The following BTBD3 variants were observed in gnomAD, a reference collection of about 807,000 sequenced individuals.
BTBD3 encodes the protein BTB domain containing 3.
A neutral mutation model predicts 41.6 loss-of-function variants in BTBD3; 14 were observed. The observed-to-expected ratio is 0.34, with a 90% confidence interval of 0.22 to 0.53. The LOEUF (loss-of-function observed/expected upper bound fraction) is 0.53, where lower values mean the gene tolerates loss of function less well. BTBD3 is among the 20% of genes least tolerant of loss of function. The pLI is 0.95. For synonymous variants in BTBD3, 249 were observed against 233.7 expected, an observed-to-expected ratio of 1.07 and a Z score of -0.60; for missense variants, 426 against 654.7, an observed-to-expected ratio of 0.65 and a Z score of 3.81.
chr20:11,919,886 A>G (rs1214298046), intron 3 of BTBD3, 50 bp downstream of exon 3: 1 of 1,480,268 alleles, frequency 6.8e-7, no homozygotes, highest in Admixed American at 1.7e-5. Context: ...CTGTATTTGT[A>G]CCCTGCTGGT....
rs887143872 is a variant in BTBD3, at chr20:11,924,663, T to C, written c.*997T>C. On this transcript the variant is annotated 3_prime_UTR_variant, in exon 4 of 4. Transcript: ENST00000378226. ...TTCTTTATACAAATGGAGTAGCAAC[T>C]AGTTTTGTAGCACTACATTTAATGT... is the stretch of plus-strand genomic sequence containing the variant. The C allele has an allele frequency of 3.9e-5, 6 of 152,666 alleles. No homozygotes were observed. Among genetic ancestry groups the C allele is most frequent in the Non-Finnish European group, 8.8e-5 (6 of 68,036 alleles). 9.5% of individuals were successfully genotyped at this position (152,666 alleles called of 1,614,324 possible).
intron 1 of BTBD3, among the ~76,000 whole-genome samples, chr20:11,892,210 C>T (rs1156993000): frequency 6.6e-6 from 1 of 152,172 alleles, no homozygotes; most frequent in Non-Finnish European, 1.5e-5. Context: ...CTCTAGCACT[C>T]AAAACAATTG....
At chr20:11,904,779 A>T (rs959442167) in intron 1 of BTBD3, among the ~76,000 whole-genome samples, 1 of 152,214 alleles carries the variant, frequency 6.6e-6, no homozygotes, top group Non-Finnish European at 1.5e-5. Flanking sequence ...ATGATTGTGG[A>T]TATTTGATAC....
At chr20:11,894,615 T>C (rs2056775469) in intron 1 of BTBD3, among the ~76,000 whole-genome samples, 1 of 152,094 alleles carries the variant, frequency 6.6e-6, no homozygotes. Context: ...CTAAAGAAGA[T>C]TGAGTGTTTA....
chr20:11,918,979 A>C, intron 1 of BTBD3, 107 bp from the exon 2 acceptor site: 1 of 774,980 alleles, frequency 1.3e-6, no homozygotes, highest in Non-Finnish European at 2.1e-6. Context: ...CCTTGAAGTT[A>C]CTGGACTGTT....
intron 1 of BTBD3, among the ~76,000 whole-genome samples, chr20:11,902,488 T>A (rs1427392584): frequency 1.3e-5 from 2 of 152,214 alleles, no homozygotes; most frequent in African/African-American, 4.8e-5. Context: ...CGTGGTTTAC[T>A]GTATTGCACT....
chr20:11,915,463 C>T (rs1250606726), upstream of BTBD3, among the ~76,000 whole-genome samples: 2 of 152,066 alleles, frequency 1.3e-5, no homozygotes, highest in African/African-American at 4.8e-5. Flanking sequence ...GGGAAGACAT[C>T]TAGTAGTCAG....
chr20:11,919,635 T>C, intron 2 of BTBD3, 83 bp from the exon 3 acceptor site: 3 of 1,387,866 alleles, frequency 2.2e-6, no homozygotes, highest in Non-Finnish European at 3.1e-6. Context: ...CTAAACCTGA[T>C]TGCCTAGTGT....
chr20:11,906,472 C>T (rs557883290), intron 1 of BTBD3, among the ~76,000 whole-genome samples: 1 of 151,930 alleles, frequency 6.6e-6, no homozygotes, highest in Non-Finnish European at 1.5e-5. Flanking sequence ...CCATGTTGGA[C>T]AGTCTGTTCT....
At position 11,926,028 on chromosome 20, in the gene BTBD3, C is replaced by T. The variant is rs1022648767; in HGVS notation, c.*2362C>T. The T allele has an allele frequency of 3.3e-5, 5 of 151,690 alleles. No individual in the cohort carries two copies. The highest frequency in any genetic ancestry group is 2.4e-5 in the African/African-American group (1 of 41,328). 9.4% of individuals were successfully genotyped at this position (151,690 alleles called of 1,614,324 possible). A position where few individuals can be genotyped will look rare whatever the true frequency, so the allele number is the denominator to read the frequency against. On this transcript the variant is annotated 3_prime_UTR_variant, in exon 4 of 4. Coordinates refer to ENST00000378226, the MANE Select transcript of BTBD3 (RefSeq NM_014962.4). ...GAATAAGAAATTTTACATTTTAAAC[C>T]CTATTGTCCTTTATGCATTTTCAAT...
intron 1 of BTBD3, among the ~76,000 whole-genome samples, chr20:11,899,640 G>A (rs1356807795): frequency 3.9e-5 from 6 of 151,986 alleles, no homozygotes; most frequent in Non-Finnish European, 8.8e-5. Flanking sequence ...GTGTGCCATG[G>A]TGGTTTGCTG....
upstream of BTBD3, among the ~76,000 whole-genome samples, chr20:11,916,933 G>A (rs1034946537): frequency 1.3e-5 from 2 of 152,106 alleles, no homozygotes; most frequent in Admixed American, 6.5e-5. Context: ...AATGGTTGGA[G>A]GATTCACACC....
In BTBD3 at chr20:11,890,880, G is replaced by A. The variant is rs566985455; in HGVS notation, c.-200G>A. On this transcript the variant is annotated 5_prime_UTR_variant, in exon 1 of 5. Coordinates refer to the BTBD3 transcript ENST00000254977. ...GGGCGCTGGATCTCCGAGTGCCCCG[G>A]CCGGGGCCTGAGGAGCGGGCACAGG... 1.5e-4 allele frequency: 151 copies of A among 985,072 alleles called. 1 individual carries two copies. In the African/African-American group the frequency reaches 2.6e-3, roughly 17 times the overall value. The allele number at this position is 985,072 out of a possible 1,614,324, so 61.0% of individuals were successfully genotyped here.
chr20:11,903,057 A>G (rs34577307), intron 1 of BTBD3, among the ~76,000 whole-genome samples: 44,298 of 152,102 alleles, frequency 0.29, 7,544 homozygotes, highest in Non-Finnish European at 0.38. Context: ...GGTTACCTGT[A>G]TTTTTAAATA....
At chr20:11,906,151 G>T (rs2056852255) in intron 1 of BTBD3, among the ~76,000 whole-genome samples, 2 of 150,700 alleles carry the variant, frequency 1.3e-5, no homozygotes, top group Non-Finnish European at 2.9e-5. Flanking sequence ...ATTGCTGGTG[G>T]TAAAGGTTCC....
At chr20:11,898,191 G>C (rs913687053) in intron 1 of BTBD3, among the ~76,000 whole-genome samples, 1 of 151,868 alleles carries the variant, frequency 6.6e-6, no homozygotes, top group African/African-American at 2.4e-5. Flanking sequence ...AAATTAAAAA[G>C]CCCTACATGA....
chr20:11,907,282 T>C (rs2122229103), intron 1 of BTBD3, among the ~76,000 whole-genome samples: 1 of 152,364 alleles, frequency 6.6e-6, no homozygotes, highest in Middle Eastern at 3.4e-3. Context: ...ATACTGCATT[T>C]GTGCTTAGAC....
At chr20:11,907,013 C>T (rs1316721249) in intron 1 of BTBD3, among the ~76,000 whole-genome samples, 1 of 152,104 alleles carries the variant, frequency 6.6e-6, no homozygotes, top group African/African-American at 2.4e-5. Context: ...CTTTCCAGTT[C>T]ATTAAATCAT....
At position 11,922,914 on chromosome 20, in the gene BTBD3, C is replaced by T. The variant is rs765529359; in HGVS notation, c.817C>T (p.Leu273Phe). 6.2e-7 allele frequency: 1 copy of T among 1,614,252 alleles called. No homozygotes were observed. The highest frequency in any genetic ancestry group is 8.5e-7 in the Non-Finnish European group (1 of 1,180,046). Residue 273 changes from leucine (L) to phenylalanine (F), a missense_variant, in exon 4 of 4, where the codon CTC becomes TTC. By Grantham distance (22) the Leu-to-Phe change is conservative (BLOSUM62 0). Around this residue, in one of 3 missense-constraint regions of BTBD3, gnomAD observed 321 missense variants for 534.8 expected, o/e 0.60. Coordinates refer to ENST00000378226, the MANE Select transcript of BTBD3 (RefSeq NM_014962.4). ...TGACTTCCAGACACTAGAAAGTATT[C>T]TCCGTAGGGAAACTCTGAATGCCAA... ...DIDFQTLESI[L>F]RRETLNAKEI...
Sources: gnomAD v4.1 joint callset for allele counts (sites outside exome capture counted in the v4.1 genomes callset) on GRCh38, gnomAD v4.1.1 for gene constraint, gnomAD v4.1.1 regional missense constraint, MANE v1.5 for transcripts, NCBI Gene and HGNC (gene_info 2026-07-23, HGNC 2026-07-21) for gene names.